SIPA1L3: variants seen among roughly 807,000 people sequenced by gnomAD.
SIPA1L3 encodes the protein signal-induced proliferation-associated 1-like protein 3.
Under a neutral mutation model 150.1 loss-of-function variants are expected in SIPA1L3, and 59 were observed. The ratio of observed to expected loss-of-function variants is 0.39; its 90% CI spans 0.32 to 0.49. The LOEUF is 0.49. Ranked by LOEUF, SIPA1L3 falls within the 20% of genes least tolerant of loss-of-function variation. The pLI, the probability that SIPA1L3 is intolerant of heterozygous loss-of-function variation, is 0.86. For missense variants in SIPA1L3, 2,211 were observed against 2,489.5 expected, an observed-to-expected ratio of 0.89 and a Z score of 2.38; for synonymous variants, 1,070 against 1,077.6, an observed-to-expected ratio of 0.99 and a Z score of 0.14.
intron 18 of SIPA1L3, among the ~76,000 whole-genome samples, chr19:38,197,930 C>T (rs1972999122): frequency 1.4e-5 from 2 of 145,716 alleles, no homozygotes; most frequent in Admixed American, 1.4e-4. Flanking sequence ...TCTTCCAGGG[C>T]ACTCAGGGTG....
intron 3 of SIPA1L3, among the ~76,000 whole-genome samples, chr19:38,086,597 C>T (rs1037435822): frequency 1.3e-5 from 2 of 152,104 alleles, no homozygotes; most frequent in African/African-American, 4.8e-5. Context: ...ATGGGAGGAT[C>T]GCTTCAGCCC....
At chr19:37,994,825 C>T (rs833904) in intron 1 of SIPA1L3, among the ~76,000 whole-genome samples, 113,647 of 152,138 alleles carry the variant, frequency 0.75, 42,725 homozygotes, top group East Asian at 0.97. Flanking sequence ...GGTAACAAGA[C>T]GTCTGGTGAC....
chr19:38,164,605 A>G lies in SIPA1L3; in HGVS notation c.3907A>G (p.Lys1303Glu). 6.2e-7 allele frequency: 1 copy of G among 1,614,022 alleles called. No homozygotes were observed. The highest frequency in any genetic ancestry group is 1.1e-5 in the South Asian group (1 of 91,074). ...GGAGCCAGAGCAAGACCCCCTCTCC[A>G]AGGGTGGCTCTAGTGACAGCGGCAT... ...PLEPEQDPLS[K>E]GGSSDSGIDT... The change falls in exon 15 of 22, where the codon AAG (lysine) becomes GAG (glutamate). Residue 1303 changes from lysine to glutamate, a missense_variant. Physicochemically the swap from Lys to Glu is moderately conservative, Grantham distance 56 (BLOSUM62 1). Transcript: ENST00000222345. The surrounding 1 kb of genome is among the most constrained non-coding windows in gnomAD (Gnocchi z 4.1).
chr19:38,008,744 G>T (rs1346254024), intron 1 of SIPA1L3, among the ~76,000 whole-genome samples: 1 of 151,842 alleles, frequency 6.6e-6, no homozygotes, highest in African/African-American at 2.4e-5. Context: ...TTTTTTGGTA[G>T]AGACAGGGTC....
chr19:38,011,282 C>T (rs1267718732), intron 1 of SIPA1L3, among the ~76,000 whole-genome samples: 2 of 152,218 alleles, frequency 1.3e-5, no homozygotes, highest in East Asian at 1.9e-4. Flanking sequence ...CAAGACTAGC[C>T]TGGGCAACAT....
At chr19:38,033,769 G>A (rs1968712051) in intron 2 of SIPA1L3, among the ~76,000 whole-genome samples, 1 of 152,262 alleles carries the variant, frequency 6.6e-6, no homozygotes, top group East Asian at 1.9e-4. Context: ...CACAGCGACT[G>A]GGCTTGGTAA....
chr19:37,971,712 G>A (rs1966943686), intron 1 of SIPA1L3, among the ~76,000 whole-genome samples: 2 of 152,050 alleles, frequency 1.3e-5, no homozygotes, highest in Admixed American at 1.3e-4. Context: ...TTACAGGCGT[G>A]TGACACCATG....
At chr19:37,932,461 G>A (rs1219074348) in intron 1 of SIPA1L3, 1 of 151,576 alleles carries the variant, frequency 6.6e-6, no homozygotes, top group East Asian at 1.9e-4. Flanking sequence ...TGGCTGGCGT[G>A]TTCCTGCGGC....
chr19:38,123,838 T>A (rs855628), intron 9 of SIPA1L3, among the ~76,000 whole-genome samples: 1 of 108,206 alleles, frequency 9.2e-6, no homozygotes, highest in Admixed American at 8.3e-5. Context: ...CCAGTAGGGG[T>A]GGCCGGGCAG....
chr19:38,000,750 T>C (rs1408411580), intron 1 of SIPA1L3, among the ~76,000 whole-genome samples: 2 of 148,188 alleles, frequency 1.3e-5, no homozygotes, highest in Admixed American at 6.8e-5. Context: ...TCCCCACTTC[T>C]CTATATACAT....
rs111432467 is a variant in SIPA1L3 at position 37,965,862 on chromosome 19, G to T, written c.-379+58504G>T. Reference sequence around the variant, plus strand: ...CTGTCTCTCCAGGCTTCATGTCTGGGACCCAGCGTTCTGTGTTTGGGCATT... The same window carrying T: ...CTGTCTCTCCAGGCTTCATGTCTGGTACCCAGCGTTCTGTGTTTGGGCATT... On this transcript the variant is annotated intron_variant, in intron 1 of 21. Coordinates refer to ENST00000222345, the MANE Select transcript of SIPA1L3 (RefSeq NM_015073.3). Among the ~76,000 whole-genome samples, 651 of 152,200 alleles carry T rather than the reference G, an allele frequency of 4.3e-3. 3 individuals are homozygous for T. The highest frequency in any genetic ancestry group is 0.013 in the African/African-American group (544 of 41,542).
intron 2 of SIPA1L3, among the ~76,000 whole-genome samples, chr19:38,058,710 G>GTTGTT (rs906195291): frequency 4.6e-5 from 7 of 152,200 alleles, no homozygotes; most frequent in Admixed American, 4.6e-4. Flanking sequence ...TGAGTTTTTT[G>GTTGTT]TTGTTTTGTT....
intron 2 of SIPA1L3, among the ~76,000 whole-genome samples, chr19:38,073,739 T>G (rs1462475522): frequency 3.3e-5 from 5 of 152,192 alleles, no homozygotes; most frequent in Non-Finnish European, 7.3e-5. Context: ...CCAGCAAAAG[T>G]CACTGCACAG....
chr19:37,933,205 G>C (rs1022547401), intron 1 of SIPA1L3, among the ~76,000 whole-genome samples: 1 of 150,906 alleles, frequency 6.6e-6, no homozygotes, highest in Non-Finnish European at 1.5e-5. Flanking sequence ...CTTGCTTGCT[G>C]TACCCCAGCT....
chr19:37,952,660 G>A (rs945106060), intron 1 of SIPA1L3, among the ~76,000 whole-genome samples: 2 of 152,134 alleles, frequency 1.3e-5, no homozygotes, highest in Non-Finnish European at 2.9e-5. Context: ...GGAACAGAGT[G>A]AGACTCTGTC....
At chr19:38,028,359 CT>C (rs1968563692) in intron 1 of SIPA1L3, among the ~76,000 whole-genome samples, 1 of 152,146 alleles carries the variant, frequency 6.6e-6, no homozygotes, top group Admixed American at 6.5e-5. Flanking sequence ...CTCCATGGGC[CT>C]CCTGACTGCT....
At chr19:38,064,491 G>A (rs892421575) in intron 2 of SIPA1L3, among the ~76,000 whole-genome samples, 9 of 152,252 alleles carry the variant, frequency 5.9e-5, no homozygotes, top group African/African-American at 1.9e-4. Context: ...GAGGTCAGGA[G>A]TTTGAGACCA....
intron 1 of SIPA1L3, among the ~76,000 whole-genome samples, chr19:37,970,739 A>T (rs1006654629): frequency 1.1e-4 from 16 of 152,236 alleles, no homozygotes; most frequent in African/African-American, 2.4e-5. Flanking sequence ...TGGGTAAAGC[A>T]AACATGCTAG....
At chr19:37,995,484 G>A (rs768090960) in intron 1 of SIPA1L3, among the ~76,000 whole-genome samples, 2 of 152,148 alleles carry the variant, frequency 1.3e-5, no homozygotes, top group African/African-American at 2.4e-5. Flanking sequence ...ACACCCAGCC[G>A]GCCATAATGC....
Sources: allele counts gnomAD v4.1 joint callset (sites outside exome capture counted in the v4.1 genomes callset), GRCh38; gene constraint gnomAD v4.1.1; non-coding constraint Gnocchi (gnomAD v3.1); transcripts MANE v1.5; gene names NCBI Gene and HGNC (gene_info 2026-07-23, HGNC 2026-07-21).